The following ETV1 variants were observed in gnomAD, a reference collection of about 807,000 sequenced individuals.
ETV1 encodes ETS translocation variant 1.
Under a neutral mutation model 62.3 loss-of-function variants are expected in ETV1, and 27 were observed. That is an observed-to-expected ratio of 0.43 (90% CI 0.32 to 0.60). The LOEUF (loss-of-function observed/expected upper bound fraction) is 0.60, where lower values mean the gene tolerates loss of function less well. ETV1 is among the 20% of genes least tolerant of loss of function. The pLI is 0.06. For missense variants in ETV1, 605 were observed against 605.8 expected, an observed-to-expected ratio of 1.00 and a Z score of 0.01; for synonymous variants, 222 against 199.6, an observed-to-expected ratio of 1.11 and a Z score of -0.94.
At chr7:13,942,580 C>T (rs956733065) in intron 6 of ETV1, among the ~76,000 whole-genome samples, 7 of 152,172 alleles carry the variant, frequency 4.6e-5, no homozygotes, top group African/African-American at 1.7e-4. Flanking sequence ...CCTCAAGTAG[C>T]CCCCAGTGTC....
intron 12 of ETV1, among the ~76,000 whole-genome samples, chr7:13,902,839 C>A (rs921288265): frequency 1.3e-5 from 2 of 152,106 alleles, no homozygotes; most frequent in Admixed American, 1.3e-4. Flanking sequence ...AAAAATACCA[C>A]AGAGTTTGAT....
Position 13,977,470 on chromosome 7 carries a change from A to T in ETV1, c.192T>A (p.Pro64=). Residue 64 remains proline (P), a synonymous_variant, in exon 6 of 14, where the codon CCT becomes CCA. Transcript: ENST00000430479. ...QETWLAEAQV[P]DNDEQFVPDY... ...CTGGTACAAACTGCTCATCATTGTC[A>T]GGTACCTGAGCTGAAGAAGAAAAAG... 1.3e-6 allele frequency: 2 copies of T among 1,542,310 alleles called. No homozygotes were observed. Among genetic ancestry groups the T allele is most frequent in the Non-Finnish European group, 1.8e-6 (2 of 1,140,532 alleles).
intron 6 of ETV1, among the ~76,000 whole-genome samples, chr7:13,941,048 C>T (rs2128461469): frequency 6.6e-6 from 1 of 152,024 alleles, no homozygotes; most frequent in African/African-American, 2.4e-5. Flanking sequence ...TTTAGTACGC[C>T]TATTCAAAGT....
chr7:13,972,891 G>A (rs963818405), intron 6 of ETV1, among the ~76,000 whole-genome samples: 3 of 152,164 alleles, frequency 2.0e-5, no homozygotes, highest in Non-Finnish European at 4.4e-5. Flanking sequence ...TTATAGGCAT[G>A]AGCCACCATG....
intron 6 of ETV1, among the ~76,000 whole-genome samples, chr7:13,970,828 C>G (rs1433217387): frequency 1.3e-5 from 2 of 151,642 alleles, no homozygotes; most frequent in African/African-American, 4.9e-5. Flanking sequence ...CGTGTTAACA[C>G]AAATTATTCA....
In ETV1 at chr7:13,894,345, C is replaced by T. The variant is rs1202213724; in HGVS notation, c.*1521G>A. The T allele has an allele frequency of 4.3e-6, 1 of 232,418 alleles. No individual in the cohort carries two copies. The highest frequency in any genetic ancestry group is 8.5e-6 in the Non-Finnish European group (1 of 117,460). The allele number at this position is 232,418 out of a possible 1,614,324, so 14.4% of individuals were successfully genotyped here. ...CAACATACCCTGCTTTCAATATTTT[C>T]TCCAAATGCAAAGCAAAAACAGAAC... On this transcript the variant is annotated 3_prime_UTR_variant, in exon 14 of 14. Transcript: ENST00000430479.
chr7:13,939,645 C>A (rs1787243737), intron 6 of ETV1, among the ~76,000 whole-genome samples: 1 of 152,196 alleles, frequency 6.6e-6, no homozygotes, highest in African/African-American at 2.4e-5. Flanking sequence ...TAATTTTAAG[C>A]ATTATTGAAA....
chr7:13,917,130 C>T (rs940664856), intron 9 of ETV1, among the ~76,000 whole-genome samples: 3 of 151,766 alleles, frequency 2.0e-5, no homozygotes, highest in African/African-American at 7.3e-5. Flanking sequence ...TTGGACAATA[C>T]CCCACACAAA....
At chr7:13,978,752 T>G (rs954842874) in intron 5 of ETV1, among the ~76,000 whole-genome samples, 6 of 151,972 alleles carry the variant, frequency 3.9e-5, no homozygotes, top group Non-Finnish European at 8.8e-5. Context: ...ATATACAGAA[T>G]TAAAGTTTCT....
intron 13 of ETV1, among the ~76,000 whole-genome samples, chr7:13,896,706 AAGAAAGGAGAGAG>A (rs1475199237): frequency 6.6e-6 from 1 of 150,962 alleles, no homozygotes; most frequent in Non-Finnish European, 1.5e-5. Context: ...GAGAGAAAGA[AAGAAAGGAGAGAG>A]AAAGAAAAAG....
At chr7:13,914,274 C>A (rs1029901408) in intron 9 of ETV1, among the ~76,000 whole-genome samples, 3 of 151,984 alleles carry the variant, frequency 2.0e-5, no homozygotes, top group Non-Finnish European at 2.9e-5. Flanking sequence ...TAAATTAAAT[C>A]TAAAAATTAA....
At chr7:13,988,214 C>T (rs766150319) in intron 3 of ETV1, 41 bp from the exon 4 acceptor site, 1 of 1,347,914 alleles carries the variant, frequency 7.4e-7, no homozygotes, top group Non-Finnish European at 1.1e-6. Flanking sequence ...GAATGTAAAC[C>T]TCAGATCACA....
At chr7:13,951,534 T>G (rs565495536) in intron 6 of ETV1, among the ~76,000 whole-genome samples, 1 of 152,294 alleles carries the variant, frequency 6.6e-6, no homozygotes, top group African/African-American at 2.4e-5. Context: ...ATTGTTGGTG[T>G]TATTATTCAA....
chr7:13,979,594 C>T (rs13228640), intron 5 of ETV1, among the ~76,000 whole-genome samples: 1 of 152,012 alleles, frequency 6.6e-6, no homozygotes, highest in African/African-American at 2.4e-5. Flanking sequence ...GATTCAAATC[C>T]TGCACATTTT....
chr7:13,931,374 C>A, intron 9 of ETV1, 128 bp downstream of exon 9: 1 of 986,604 alleles, frequency 1.0e-6, no homozygotes, highest in Non-Finnish European at 1.5e-6. Context: ...TTTCAATGAA[C>A]GGACAAAATC....
chr7:13,916,037 C>T lies in ETV1; in HGVS notation c.803-4730G>A, dbSNP rs188656664. Among the ~76,000 whole-genome samples the T allele has an allele frequency of 3.9e-4, 59 of 152,078 alleles. No homozygotes were observed. In the East Asian group the frequency reaches 0.011, roughly 28 times the overall value. On this transcript the variant is annotated intron_variant, in intron 9 of 13. Coordinates refer to ENST00000430479, the MANE Select transcript of ETV1 (RefSeq NM_004956.5). Reference sequence around the variant, plus strand: ...GGATGCGAATGTAACATCTTAGTTACTGAACTTCACATGAATGTAACATCT... The same window carrying T: ...GGATGCGAATGTAACATCTTAGTTATTGAACTTCACATGAATGTAACATCT...
intron 5 of ETV1, among the ~76,000 whole-genome samples, chr7:13,980,451 A>G (rs192211727): frequency 5.3e-5 from 8 of 152,280 alleles, no homozygotes; most frequent in African/African-American, 1.7e-4. Context: ...AGGTCAGCCT[A>G]AAAAAGCAAT....
Position 13,935,909 on chromosome 7 carries a change from C to A in ETV1, c.366-13G>T. The A allele has an allele frequency of 4.4e-6, 7 of 1,576,278 alleles. No homozygotes were observed. The highest frequency in any genetic ancestry group is 2.3e-5 in the South Asian group (2 of 86,514). ...CTGATCATAGGCACTACCCAGGGGA[C>A]AAAAGAAGAGAGAACATTTCTTTCT... On this transcript the variant is annotated splice_polypyrimidine_tract_variant and intron_variant, in intron 7 of 13. Coordinates refer to ENST00000430479, the MANE Select transcript of ETV1 (RefSeq NM_004956.5).
chr7:13,982,214 G>A (rs181312332), intron 5 of ETV1, among the ~76,000 whole-genome samples: 2 of 151,988 alleles, frequency 1.3e-5, no homozygotes, highest in East Asian at 1.9e-4. Flanking sequence ...CCAACTAGCC[G>A]TTGTTTCTAG....
Sources: allele counts gnomAD v4.1 joint callset (sites outside exome capture counted in the v4.1 genomes callset), GRCh38; gene constraint gnomAD v4.1.1; transcripts MANE v1.5; gene names NCBI Gene and HGNC (gene_info 2026-07-23, HGNC 2026-07-21).